The following LHFPL3 variants were observed in gnomAD, a reference collection of about 807,000 sequenced individuals.
The protein encoded by LHFPL3 is LHFPL tetraspan subfamily member 3 protein.
A neutral mutation model predicts 19.3 loss-of-function variants in LHFPL3; 5 were observed. That is an observed-to-expected ratio of 0.26 (90% CI 0.14 to 0.54). The LOEUF (loss-of-function observed/expected upper bound fraction) is 0.54, where lower values mean the gene tolerates loss of function less well. LHFPL3 is among the 20% of genes least tolerant of loss of function. The pLI is 0.94. For synonymous variants in LHFPL3, 133 were observed against 126.2 expected (o/e 1.05, Z -0.36); for missense variants, 249 against 307.4 (o/e 0.81, Z 1.42).
chr7:104,541,249 C>T (rs1311334942), intron 1 of LHFPL3, among the ~76,000 whole-genome samples: 1 of 152,110 alleles, frequency 6.6e-6, no homozygotes, highest in African/African-American at 2.4e-5. Flanking sequence ...CTGGGAATAT[C>T]CCATCATTGC....
chr7:104,528,373 A>G (rs1240100960), intron 1 of LHFPL3, among the ~76,000 whole-genome samples: 3 of 152,198 alleles, frequency 2.0e-5, no homozygotes, highest in Non-Finnish European at 4.4e-5. Flanking sequence ...AGGAAATTGA[A>G]TTTAAATTTG....
chr7:104,896,278 CCT>C (rs1792356544), intron 2 of LHFPL3, among the ~76,000 whole-genome samples: 1 of 152,166 alleles, frequency 6.6e-6, no homozygotes, highest in Non-Finnish European at 1.5e-5. Flanking sequence ...GCCAGGCTTT[CCT>C]CTGGGTGCTA....
chr7:104,408,956 C>A (rs1172883359), intron 1 of LHFPL3, among the ~76,000 whole-genome samples: 1 of 148,694 alleles, frequency 6.7e-6, no homozygotes, highest in South Asian at 2.1e-4. Context: ...GCTCCGCCTC[C>A]GGGGCTCATG....
intron 1 of LHFPL3, among the ~76,000 whole-genome samples, chr7:104,527,302 C>G (rs71558682): frequency 0.015 from 2,342 of 152,170 alleles, 22 homozygotes; most frequent in East Asian, 0.028. Context: ...GTGAGAGCCA[C>G]TTTCAAAGTT....
At chr7:104,705,999 G>A (rs530791227) in intron 1 of LHFPL3, among the ~76,000 whole-genome samples, 2 of 152,290 alleles carry the variant, frequency 1.3e-5, no homozygotes, top group East Asian at 3.9e-4. Context: ...AAAAGACCTT[G>A]ACTCTGAGGT....
chr7:104,846,789 G>C lies in LHFPL3; in HGVS notation c.683-59398G>C, dbSNP rs547693860. Among the ~76,000 whole-genome samples, 14 of 152,260 alleles carry C rather than the reference G, an allele frequency of 9.2e-5. No homozygotes were observed. In the South Asian group the frequency reaches 2.7e-3, roughly 29 times the overall value. On this transcript the variant is annotated intron_variant, in intron 2 of 2. Transcript: ENST00000424859. ...GTCCTGGCTCTGCTATGAAGTATCT[G>C]GATGAGCTTGAGAAAGTTGCTCTGC...
At chr7:104,427,948 A>C (rs148144724) in intron 1 of LHFPL3, among the ~76,000 whole-genome samples, 20 of 152,330 alleles carry the variant, frequency 1.3e-4, no homozygotes, top group Middle Eastern at 6.8e-3. Context: ...CAAAATATGA[A>C]AGCTGAGATT....
At chr7:104,678,569 T>C (rs1043795892) in intron 1 of LHFPL3, among the ~76,000 whole-genome samples, 2 of 152,186 alleles carry the variant, frequency 1.3e-5, no homozygotes, top group East Asian at 1.9e-4. Context: ...TTTTCTTTAC[T>C]ATAAGAAAAG....
At chr7:104,532,060 G>C (rs949709180) in intron 1 of LHFPL3, among the ~76,000 whole-genome samples, 5 of 152,096 alleles carry the variant, frequency 3.3e-5, no homozygotes, top group Non-Finnish European at 7.4e-5. Context: ...GTGCTCAAAG[G>C]ACTACACACT....
At chr7:104,424,938 C>T (rs1049913915) in intron 1 of LHFPL3, among the ~76,000 whole-genome samples, 3 of 141,020 alleles carry the variant, frequency 2.1e-5, no homozygotes, top group African/African-American at 5.4e-5. Flanking sequence ...GCGGAGATCA[C>T]GCCACTACAC....
At chr7:104,511,747 C>A (rs1283141900) in intron 1 of LHFPL3, among the ~76,000 whole-genome samples, 2 of 152,064 alleles carry the variant, frequency 1.3e-5, no homozygotes, top group Non-Finnish European at 2.9e-5. Context: ...ACCAAAATCT[C>A]AGAAATCACC....
intron 1 of LHFPL3, among the ~76,000 whole-genome samples, chr7:104,410,136 G>C (rs964703141): frequency 6.6e-6 from 1 of 151,928 alleles, no homozygotes; most frequent in Non-Finnish European, 1.5e-5. Flanking sequence ...TTTTGTTGTT[G>C]TTGTTTTTGT....
intron 1 of LHFPL3, among the ~76,000 whole-genome samples, chr7:104,639,509 T>TA (rs1278892124): frequency 1.3e-5 from 2 of 152,196 alleles, no homozygotes; most frequent in Non-Finnish European, 2.9e-5. Flanking sequence ...TATACATCTT[T>TA]AAAAAATGCC....
intron 1 of LHFPL3, among the ~76,000 whole-genome samples, chr7:104,580,592 G>A (rs80160834): frequency 6.6e-6 from 1 of 152,098 alleles, no homozygotes; most frequent in East Asian, 1.9e-4. Context: ...CATAAAGTTA[G>A]GCATATTATT....
In LHFPL3 at chr7:104,588,451, G is replaced by A. The variant is rs557590236; in HGVS notation, c.446-148224G>A. ...TAGATGTGTGGTATTATTTCTGAGG[G>A]TTCTGTTCTGTTCCATTGATCTATA... is the stretch of plus-strand genomic sequence containing the variant. On this transcript the variant is annotated intron_variant, in intron 1 of 2. Transcript: ENST00000424859. Among the ~76,000 whole-genome samples, 16 of 152,144 alleles carry A rather than the reference G, an allele frequency of 1.1e-4. No individual in the cohort carries two copies. The South Asian group carries it at 3.3e-3, about 32-fold the overall frequency.
intron 1 of LHFPL3, among the ~76,000 whole-genome samples, chr7:104,495,366 T>C (rs1212771235): frequency 6.8e-6 from 1 of 147,086 alleles, no homozygotes; most frequent in Non-Finnish European, 1.5e-5. Flanking sequence ...CACAGCCATG[T>C]CTGGCTATTT....
chr7:104,782,593 G>C (rs866155246), intron 2 of LHFPL3, among the ~76,000 whole-genome samples: 21 of 152,314 alleles, frequency 1.4e-4, no homozygotes, highest in African/African-American at 4.8e-4. Context: ...CCATGTGTGT[G>C]CATTCCATTA....
chr7:104,905,040 C>T (rs540500471), intron 2 of LHFPL3, among the ~76,000 whole-genome samples: 56 of 152,186 alleles, frequency 3.7e-4, no homozygotes, highest in African/African-American at 1.3e-3. Context: ...ACCACAACCT[C>T]GACCTCCTGG....
intron 2 of LHFPL3, among the ~76,000 whole-genome samples, chr7:104,801,601 C>T (rs1053911416): frequency 1.3e-5 from 2 of 152,088 alleles, no homozygotes; most frequent in African/African-American, 2.4e-5. Context: ...GATGGAGTCT[C>T]GGTCTATTGC....
Sources: allele counts gnomAD v4.1 joint callset (sites outside exome capture counted in the v4.1 genomes callset), GRCh38; gene constraint gnomAD v4.1.1; transcripts MANE v1.5; gene names NCBI Gene and HGNC (gene_info 2026-07-23, HGNC 2026-07-21).